Variants in XPOT observed in about 807,000 individuals in gnomAD.
The protein encoded by XPOT is exportin-T.
A neutral mutation model predicts 128.2 loss-of-function variants in XPOT; 34 were observed. The ratio of observed to expected loss-of-function variants is 0.27; its 90% CI spans 0.20 to 0.35. The LOEUF (loss-of-function observed/expected upper bound fraction) is 0.35, where lower values mean the gene tolerates loss of function less well. XPOT is among the 10% of genes least tolerant of loss of function. The probability of loss-of-function intolerance (pLI) is 1.00; values close to 1 mark genes in which losing one functional copy is unlikely to be tolerated. For synonymous variants in XPOT, 348 were observed against 394.3 expected, an observed-to-expected ratio of 0.88 and a Z score of 1.39; for missense variants, 838 against 1,125.3, an observed-to-expected ratio of 0.74 and a Z score of 3.65.
Position 64,441,413 on chromosome 12 carries a change from A to G in XPOT, c.2805+2098A>G, listed in dbSNP as rs115150239. Among the ~76,000 whole-genome samples the G allele has an allele frequency of 9.5e-3, 1,444 of 152,258 alleles. 20 individuals are homozygous for G. The highest frequency in any genetic ancestry group is 0.033 in the African/African-American group (1,351 of 41,548). On this transcript the variant is annotated intron_variant, in intron 23 of 24. Coordinates refer to ENST00000332707, the MANE Select transcript of XPOT (RefSeq NM_007235.6). ...CCTCTGCCTCCCAAGTAGCTAGGAT[A>G]TATGTCTGTCTTTTGCTAGTACCAT...
rs1339245637 is a variant in XPOT at position 64,450,090 on chromosome 12, ATAG to A, written c.*1964_*1966del. On this transcript the variant is annotated 3_prime_UTR_variant, in exon 25 of 25. Coordinates refer to ENST00000332707, the MANE Select transcript of XPOT (RefSeq NM_007235.6). The stretch of plus-strand genomic sequence containing the variant: ...ACAGTAGCTGGCACATAAAGACTTG[ATAG>A]TAGTTTATATGGATGCTATCTCATA... 2 of 152,196 alleles carry A rather than the reference ATAG, an allele frequency of 1.3e-5. No individual in the cohort carries two copies. The highest frequency in any genetic ancestry group is 2.4e-5 in the African/African-American group (1 of 41,460). The allele number at this position is 152,196 out of a possible 1,614,324, so 9.4% of individuals were successfully genotyped here.
At chr12:64,410,585 A>G (rs994925666) in intron 2 of XPOT, among the ~76,000 whole-genome samples, 2 of 152,058 alleles carry the variant, frequency 1.3e-5, no homozygotes, top group African/African-American at 4.8e-5. Flanking sequence ...GTCTCCTAAA[A>G]TGCTAGGATT....
At chr12:64,444,393 A>C (rs1302713860) in intron 23 of XPOT, among the ~76,000 whole-genome samples, 4 of 152,242 alleles carry the variant, frequency 2.6e-5, no homozygotes, top group Non-Finnish European at 5.9e-5. Context: ...AATACCATGA[A>C]TTTGAAGCAA....
Position 64,424,740 on chromosome 12 carries a change from T to G in XPOT, c.1307+17T>G, listed in dbSNP as rs1179188395. 6.2e-7 allele frequency: 1 copy of G among 1,611,976 alleles called. No homozygotes were observed. Among genetic ancestry groups the G allele is most frequent in the Admixed American group, 1.7e-5 (1 of 59,352 alleles). On this transcript the variant is annotated intron_variant, in intron 12 of 24. Transcript: ENST00000332707. ...TACACTGCAGTAAGTTTGTCATTAC[T>G]TTTGTAACAAGCCTACTTCTTTCTT...
intron 1 of XPOT, among the ~76,000 whole-genome samples, chr12:64,405,837 C>G (rs574505170): frequency 6.6e-6 from 1 of 152,190 alleles, no homozygotes; most frequent in Non-Finnish European, 1.5e-5. Flanking sequence ...AGGATGGTCT[C>G]GATCTCTTGA....
In XPOT at chr12:64,449,812, A is replaced by G. The variant is rs959477526; in HGVS notation, c.*1681A>G. On this transcript the variant is annotated 3_prime_UTR_variant, in exon 25 of 25. Coordinates refer to ENST00000332707, the MANE Select transcript of XPOT (RefSeq NM_007235.6). ...TACTATAGGAGTGATAATTGCAGCT[A>G]TTGCAATAGTAGTAATTGTTAAATG... 12 of 152,364 alleles carry G rather than the reference A, an allele frequency of 7.9e-5. No homozygotes were observed. The highest frequency in any genetic ancestry group is 6.5e-4 in the Admixed American group (10 of 15,312). The allele number at this position is 152,364 out of a possible 1,614,324, so 9.4% of individuals were successfully genotyped here.
intron 24 of XPOT, 69 bp downstream of exon 24, chr12:64,445,200 T>TA: frequency 8.5e-7 from 1 of 1,176,908 alleles, no homozygotes; most frequent in South Asian, 1.3e-5. Context: ...AGAGAATACA[T>TA]ACCTGCAATT....
intron 1 of XPOT, among the ~76,000 whole-genome samples, chr12:64,408,132 CAG>C (rs1438631592): frequency 2.6e-5 from 4 of 151,960 alleles, no homozygotes; most frequent in African/African-American, 4.8e-5. Flanking sequence ...TTTTTTGAGA[CAG>C]AGTCTCGTTC....
Position 64,421,960 on chromosome 12 carries a change from G to C in XPOT, c.1080+489G>C, listed in dbSNP as rs143507087. On this transcript the variant is annotated intron_variant, in intron 9 of 24. Coordinates refer to ENST00000332707, the MANE Select transcript of XPOT (RefSeq NM_007235.6). ...CCCAAGTACCTGGGATTACAGGCAT[G>C]CACCACCACATCCAGCTGATTTTGT... 3.0e-3 allele frequency among the ~76,000 whole-genome samples: 452 copies of C among 152,238 alleles called. 2 individuals are homozygous for C. The highest frequency in any genetic ancestry group is 0.01 in the African/African-American group (423 of 41,546).
chr12:64,412,393 T>C (rs892917897), intron 2 of XPOT, among the ~76,000 whole-genome samples: 1 of 152,170 alleles, frequency 6.6e-6, no homozygotes, highest in Non-Finnish European at 1.5e-5. Context: ...GAAAATGGTA[T>C]GTCATGACAT....
intron 2 of XPOT, among the ~76,000 whole-genome samples, chr12:64,411,698 G>A (rs1039576632): frequency 1.3e-5 from 2 of 152,140 alleles, no homozygotes; most frequent in African/African-American, 4.8e-5. Flanking sequence ...GTTGCAGTTC[G>A]GGAGTAGTGG....
intron 2 of XPOT, among the ~76,000 whole-genome samples, chr12:64,413,050 C>T (rs1373859228): frequency 6.6e-6 from 1 of 152,082 alleles, no homozygotes; most frequent in African/African-American, 2.4e-5. Context: ...ATCTTGAGTC[C>T]CTTCTCCCCT....
chr12:64,422,669 C>T (rs1269483717), intron 9 of XPOT, among the ~76,000 whole-genome samples: 3 of 152,090 alleles, frequency 2.0e-5, no homozygotes, highest in South Asian at 2.1e-4. Flanking sequence ...AAGGCTGAGG[C>T]GGGAGGATTG....
rs1282775840 is a variant in XPOT, at chr12:64,450,108, G to A, written c.*1977G>A. Reference sequence around the variant, plus strand: ...AGACTTGATAGTAGTTTATATGGATGCTATCTCATATTAGCATATATGGAA... The same window carrying A: ...AGACTTGATAGTAGTTTATATGGATACTATCTCATATTAGCATATATGGAA... On this transcript the variant is annotated 3_prime_UTR_variant, in exon 25 of 25. Coordinates refer to ENST00000332707, the MANE Select transcript of XPOT (RefSeq NM_007235.6). 3 of 151,898 alleles carry A rather than the reference G, an allele frequency of 2.0e-5. No homozygotes were observed. Among genetic ancestry groups the A allele is most frequent in the African/African-American group, 7.3e-5 (3 of 41,340 alleles). The allele number at this position is 151,898 out of a possible 1,614,324, so 9.4% of individuals were successfully genotyped here.
At chr12:64,439,200 A>T in intron 22 of XPOT, 44 bp from the exon 23 acceptor site, 1 of 1,556,270 alleles carries the variant, frequency 6.4e-7, no homozygotes, top group Non-Finnish European at 8.9e-7. Context: ...TAAGCTTATT[A>T]ATGTCAAGCA....
chr12:64,409,994 C>T lies in XPOT; in HGVS notation c.-42C>T. ...TAAATTCTTCTGTGGGATCAGAGGG[C>T]ACGCCTATTACAACCAGAAAACTAC... On this transcript the variant is annotated 5_prime_UTR_variant, in exon 2 of 25. Transcript: ENST00000332707. 1.3e-6 allele frequency: 2 copies of T among 1,547,896 alleles called. No homozygotes were observed. Among genetic ancestry groups the T allele is most frequent in the Non-Finnish European group, 1.8e-6 (2 of 1,121,680 alleles).
chr12:64,405,784 C>CT (rs1450326586), intron 1 of XPOT, among the ~76,000 whole-genome samples: 4 of 152,030 alleles, frequency 2.6e-5, no homozygotes, highest in Middle Eastern at 3.2e-3. Context: ...CACCTGGCTA[C>CT]TTTTTGTATT....
chr12:64,423,009 C>T lies in XPOT; in HGVS notation c.1085C>T (p.Thr362Ile). The change falls in exon 10 of 25, where the codon ACA becomes ATA. Residue 362 changes from threonine (T) to isoleucine (I), a missense_variant. Thr to Ile is a moderately conservative substitution (Grantham distance 89, BLOSUM62 -1). This residue lies in a region of XPOT where 761 missense variants were observed against 988.3 expected (regional missense o/e 0.77). Transcript: ENST00000332707. ...YDYLHILKQL[T>I]VLSDQQKANV... Reference sequence around the variant, plus strand: ...TTATTGCTTCCTTTTTAACAGCTTACAGTGCTCTCGGATCAGCAAAAAGCT... The same window carrying T: ...TTATTGCTTCCTTTTTAACAGCTTATAGTGCTCTCGGATCAGCAAAAAGCT... 6.2e-7 allele frequency: 1 copy of T among 1,612,620 alleles called. No homozygotes were observed.
In XPOT at chr12:64,404,757, T is replaced by A. The variant is rs2039962449; in HGVS notation, c.-122T>A. On this transcript the variant is annotated 5_prime_UTR_variant, in exon 1 of 25. Transcript: ENST00000332707. ...TGCCGCGCCGCTCCGCTCCGCTGGCTGACCATCTGGAGTGCAGGCTGGGAG... is the reference window on the plus strand; with the variant it reads ...TGCCGCGCCGCTCCGCTCCGCTGGCAGACCATCTGGAGTGCAGGCTGGGAG... The A allele has an allele frequency of 6.6e-6, 1 of 152,340 alleles. No individual in the cohort carries two copies. Among genetic ancestry groups the A allele is most frequent in the Non-Finnish European group, 1.5e-5 (1 of 68,154 alleles). 9.4% of individuals were successfully genotyped at this position (152,340 alleles called of 1,614,324 possible).
Sources: allele counts gnomAD v4.1 joint callset (sites outside exome capture counted in the v4.1 genomes callset), GRCh38; gene constraint gnomAD v4.1.1; regional missense constraint gnomAD v4.1.1; transcripts MANE v1.5; gene names NCBI Gene and HGNC (gene_info 2026-07-23, HGNC 2026-07-21).